The following CFAP45 variants were observed in gnomAD, a reference collection of about 807,000 sequenced individuals.
CFAP45 encodes the protein cilia and flagella associated protein 45.
Under a neutral mutation model 75.6 loss-of-function variants are expected in CFAP45, and 43 were observed. That is an observed-to-expected ratio of 0.57 (90% CI 0.45 to 0.73). The LOEUF is 0.73. CFAP45 is among the 30% of genes least tolerant of loss of function. CFAP45 has a pLI of 0.00. For synonymous variants in CFAP45, 223 were observed against 244.6 expected, an observed-to-expected ratio of 0.91 and a Z score of 0.82; for missense variants, 689 against 701.5, an observed-to-expected ratio of 0.98 and a Z score of 0.20.
In CFAP45 at chr1:159,884,433, T is replaced by C; in HGVS notation, c.897+3A>G. The C allele has an allele frequency of 1.2e-6, 2 of 1,605,946 alleles. No homozygotes were observed. Among genetic ancestry groups the C allele is most frequent in the East Asian group, 4.5e-5 (2 of 44,436 alleles). On this transcript the variant is annotated splice_donor_region_variant and intron_variant, in intron 7 of 11. Coordinates refer to ENST00000368099, the MANE Select transcript of CFAP45 (RefSeq NM_012337.3). The stretch of plus-strand genomic sequence containing the variant: ...ACGTGGCATTGTCTGTCTGGCCTGT[T>C]ACCTTTAGATCTTCCTCTTGGAGCT...
intron 3 of CFAP45, 82 bp from the exon 4 acceptor site, chr1:159,888,578 C>T (rs1178732243): frequency 7.6e-7 from 1 of 1,322,348 alleles, no homozygotes; most frequent in Non-Finnish European, 1.1e-6. Context: ...CTCTCTTCCC[C>T]TCTTCCCATC....
chr1:159,887,072 A>G (rs1389181325), intron 5 of CFAP45, among the ~76,000 whole-genome samples: 1 of 152,134 alleles, frequency 6.6e-6, no homozygotes, highest in East Asian at 1.9e-4. Context: ...CCATTGTTCC[A>G]CTTAGAGACC....
intron 1 of CFAP45, chr1:159,898,017 A>T: frequency 1.4e-6 from 1 of 721,604 alleles, no homozygotes; most frequent in South Asian, 6.2e-5. Context: ...CTGTCAACTA[A>T]ACAGGTTGAC....
At position 159,900,157 on chromosome 1, in the gene CFAP45, C is replaced by A; in HGVS notation, c.-59G>T. 1.9e-6 allele frequency: 3 copies of A among 1,612,126 alleles called. No homozygotes were observed. Among genetic ancestry groups the A allele is most frequent in the Non-Finnish European group, 2.5e-6 (3 of 1,178,478 alleles). On this transcript the variant is annotated 5_prime_UTR_variant, in exon 1 of 12. Transcript: ENST00000368099. The stretch of plus-strand genomic sequence containing the variant: ...GCTGCCGCCTCGGCGCCGCCAAGGC[C>A]CTAGTGTTGACGCGTTACCTTGGCA...
At chr1:159,893,401 T>A in intron 1 of CFAP45, 96 bp from the exon 2 acceptor site, 1 of 1,231,084 alleles carries the variant, frequency 8.1e-7, no homozygotes, top group Non-Finnish European at 1.2e-6. Context: ...GGGGAGTGGG[T>A]GGGCATGTGA....
At position 159,872,990 on chromosome 1, in the gene CFAP45, G is replaced by C. The variant is rs556361801; in HGVS notation, c.1531C>G (p.Arg511Gly). The C allele has an allele frequency of 6.2e-7, 1 of 1,614,240 alleles. No homozygotes were observed. The highest frequency in any genetic ancestry group is 1.3e-5 in the African/African-American group (1 of 75,062). ...RRLKEEAQKRRERIDEIKRKK... is the reference protein window; with the variant it reads ...RRLKEEAQKRGERIDEIKRKK... ...CTCTTGATCTCATCGATGCGCTCACGGCGTTTCTGGGCCTCCTCTTTGAGG... is the reference window on the plus strand; with the variant it reads ...CTCTTGATCTCATCGATGCGCTCACCGCGTTTCTGGGCCTCCTCTTTGAGG... The change falls in exon 11 of 12, where the codon CGT becomes GGT. Residue 511 changes from arginine (R) to glycine (G), a missense_variant. Transcript: ENST00000368099.
In CFAP45 at chr1:159,876,716, C is replaced by A. The variant is rs779691349; in HGVS notation, c.1192G>T (p.Ala398Ser). Reference sequence around the variant, plus strand: ...TCCTTTCTGCGCCACTCTCTGTCTGCAACCTCCTGGTTGCGCTTGGCCCGC... The same window carrying A: ...TCCTTTCTGCGCCACTCTCTGTCTGAAACCTCCTGGTTGCGCTTGGCCCGC... ...ALRAKRNQEV[A>S]DREWRRKEKE... The change falls in exon 10 of 12, where the codon GCA (alanine) becomes TCA (serine). Residue 398 changes from alanine (A) to serine (S), a missense_variant. By Grantham distance (99) the Ala-to-Ser change is moderately conservative (BLOSUM62 1). Coordinates refer to ENST00000368099, the MANE Select transcript of CFAP45 (RefSeq NM_012337.3). The A allele has an allele frequency of 3.1e-6, 5 of 1,614,212 alleles. No individual in the cohort carries two copies. The highest frequency in any genetic ancestry group is 4.2e-6 in the Non-Finnish European group (5 of 1,180,026).
intron 5 of CFAP45, among the ~76,000 whole-genome samples, chr1:159,887,276 C>G (rs1355444089): frequency 3.9e-5 from 6 of 152,196 alleles, no homozygotes; most frequent in Non-Finnish European, 1.5e-5. Flanking sequence ...GAAGATTTAC[C>G]TGAGAGACAG....
Position 159,890,555 on chromosome 1 carries a change from GT to G in CFAP45, c.196del (p.Thr66LeufsTer37), listed in dbSNP as rs1048521059. The G allele has an allele frequency of 1.2e-6, 2 of 1,613,992 alleles. No individual in the cohort carries two copies. Among genetic ancestry groups the G allele is most frequent in the Non-Finnish European group, 1.7e-6 (2 of 1,180,000 alleles). On this transcript the variant is annotated frameshift_variant, in exon 3 of 12. Coordinates refer to ENST00000368099, the MANE Select transcript of CFAP45 (RefSeq NM_012337.3). LOFTEE classifies it high-confidence loss of function. ...LLRDKHTLQK[T>X]LTALGLDRKP... Reference sequence around the variant, plus strand: ...GCGATCCAAGCCCAAAGCAGTGAGAGTTTTTTGAAGGGTATGCTTATCTCGG... The same window carrying G: ...GCGATCCAAGCCCAAAGCAGTGAGAGTTTTTGAAGGGTATGCTTATCTCGG...
chr1:159,899,873 C>T (rs968882564), intron 1 of CFAP45: 2 of 526,148 alleles, frequency 3.8e-6, no homozygotes, highest in African/African-American at 1.9e-5. Flanking sequence ...CCAACTCCTC[C>T]GCTCAGCGCG....
intron 8 of CFAP45, among the ~76,000 whole-genome samples, chr1:159,879,566 G>A (rs1649499012): frequency 6.6e-6 from 1 of 152,208 alleles, no homozygotes; most frequent in Admixed American, 6.5e-5. Flanking sequence ...TTGTTATTAT[G>A]TAGGAATCAT....
rs539116292 is a variant in CFAP45 at position 159,878,753 on chromosome 1, T to TAAAAAAAAAAAAAAAAAAAAAAAAAAA, written c.1045-1318_1045-1292dup. On this transcript the variant is annotated intron_variant, in intron 8 of 11. Transcript: ENST00000368099. ...CCTAGTGACAGAGCAAGACTACATCTAAAAAAAAAAAAAAAAAAAAAAAAA... is the reference window on the plus strand; with the variant it reads ...CCTAGTGACAGAGCAAGACTACATCTAAAAAAAAAAAAAAAAAAAAAAAAAAAAAAAAAAAAAAAAAAAAAAAAAAAA... Among the ~76,000 whole-genome samples, 10 of 32,486 alleles carry TAAAAAAAAAAAAAAAAAAAAAAAAAAA rather than the reference T, an allele frequency of 3.1e-4. 3 individuals carry two copies. Among genetic ancestry groups the TAAAAAAAAAAAAAAAAAAAAAAAAAAA allele is most frequent in the Non-Finnish European group, 5.2e-4 (9 of 17,256 alleles). 21.3% of individuals were successfully genotyped at this position (32,486 alleles called of 152,430 possible). A position where few individuals can be genotyped will look rare whatever the true frequency, so the allele number is the denominator to read the frequency against.
intron 8 of CFAP45, among the ~76,000 whole-genome samples, chr1:159,878,685 AGAGGTTGCTGCAGT>A (rs1445754450): frequency 7.0e-6 from 1 of 143,770 alleles, no homozygotes; most frequent in Non-Finnish European, 1.5e-5. Context: ...CCCGGAAGGC[AGAGGTTGCTGCAGT>A]GAGCTGAGAT....
At chr1:159,877,587 C>T (rs763709862) in intron 8 of CFAP45, 125 bp from the exon 9 acceptor site, 3 of 739,340 alleles carry the variant, frequency 4.1e-6, no homozygotes, top group Non-Finnish European at 7.3e-6. Flanking sequence ...TAAAATAGGA[C>T]AAAATAAGGC....
intron 2 of CFAP45, among the ~76,000 whole-genome samples, chr1:159,891,469 G>T (rs1039302506): frequency 6.6e-6 from 1 of 152,308 alleles, no homozygotes; most frequent in Admixed American, 6.5e-5. Context: ...TGAGTTGGTG[G>T]TGAGGAGGTC....
At chr1:159,877,254 G>A (rs550464137) in intron 9 of CFAP45, 95 bp downstream of exon 9, 21 of 894,736 alleles carry the variant, frequency 2.3e-5, no homozygotes, top group East Asian at 1.7e-4. Flanking sequence ...CCTTTCCTCC[G>A]CATCTCCACC....
At chr1:159,897,814 A>G (rs1005589291) in intron 1 of CFAP45, among the ~76,000 whole-genome samples, 1 of 152,214 alleles carries the variant, frequency 6.6e-6, no homozygotes, top group Non-Finnish European at 1.5e-5. Context: ...AAAGCATAGC[A>G]ATGGGCCTGG....
intron 1 of CFAP45, among the ~76,000 whole-genome samples, chr1:159,899,320 GACTA>G (rs934962457): frequency 1.3e-5 from 2 of 152,152 alleles, no homozygotes; most frequent in East Asian, 1.9e-4. Context: ...AATATTTATT[GACTA>G]ACTACTGAGG....
chr1:159,873,827 C>CT lies in CFAP45; in HGVS notation c.1353-660dup, dbSNP rs1216323334. Among the ~76,000 whole-genome samples, 4 of 134,524 alleles carry CT rather than the reference C, an allele frequency of 3.0e-5. No homozygotes were observed. The East Asian group carries it at 6.9e-4, about 23-fold the overall frequency. The allele number at this position is 134,524 out of a possible 152,430, so 88.3% of individuals were successfully genotyped here. On this transcript the variant is annotated intron_variant, in intron 10 of 11. Coordinates refer to ENST00000368099, the MANE Select transcript of CFAP45 (RefSeq NM_012337.3). ...TCTCCAGCTTATCCTGAGATTTCTT[C>CT]TCCTTCCTTCCTTCCTTCCTTCCTT...
Sources: gnomAD v4.1 joint callset for allele counts (sites outside exome capture counted in the v4.1 genomes callset) on GRCh38, gnomAD v4.1.1 for gene constraint, MANE v1.5 for transcripts, NCBI Gene and HGNC (gene_info 2026-07-23, HGNC 2026-07-21) for gene names.